LMF1: variants seen among roughly 807,000 people sequenced by gnomAD.
LMF1 encodes the protein lipase maturation factor 1, also known as transmembrane protein 112.
LMF1 carries 68 observed loss-of-function variants against 60.6 expected under a neutral mutation model. The ratio of observed to expected loss-of-function variants is 1.12; its 90% CI spans 0.92 to 1.37. LMF1 has a LOEUF of 1.37. Ranked by LOEUF, LMF1 falls within the 40% of genes most tolerant of loss-of-function variation. The pLI is 0.00. For missense variants in LMF1, 948 were observed against 767.2 expected (o/e 1.24, Z -2.78); for synonymous variants, 418 against 324.7 (o/e 1.29, Z -3.09).
chr16:858,146 AGTGGTGTCTCGGGATGGGTGTGC>A (rs2069268188), intron 10 of LMF1, among the ~76,000 whole-genome samples: 2 of 22,790 alleles, frequency 8.8e-5, no homozygotes, highest in Non-Finnish European at 1.5e-4. Flanking sequence ...GATGGGTGTG[AGTGGTGTCTCGGGATGGGTGTGC>A]GTGGTGTCAC....
chr16:975,949 T>C (rs2073129436), upstream of LMF1: 1 of 357,536 alleles, frequency 2.8e-6, no homozygotes, highest in African/African-American at 5.7e-5. Flanking sequence ...GGCTCGGTGT[T>C]GGGAGGTTTC....
intron 4 of LMF1, among the ~76,000 whole-genome samples, chr16:895,182 G>C (rs1324043014): frequency 6.6e-6 from 1 of 152,116 alleles, no homozygotes; most frequent in Non-Finnish European, 1.5e-5. Flanking sequence ...GGGCCATCAG[G>C]ACCTCCAGAG....
intron 1 of LMF1, chr16:979,795 G>A: frequency 2.2e-6 from 1 of 453,848 alleles, no homozygotes; most frequent in Non-Finnish European, 4.4e-6. Context: ...AGGTGGCACA[G>A]TTTGGACCGG....
chr16:976,474 C>G (rs1286605744), intron 1 of LMF1: 1 of 454,126 alleles, frequency 2.2e-6, no homozygotes, highest in South Asian at 1.6e-5. Context: ...CGCCCCCAGG[C>G]TGGGCCTCCC....
chr16:864,258 AAT>A (rs1160730603), intron 10 of LMF1, among the ~76,000 whole-genome samples: 3 of 152,326 alleles, frequency 2.0e-5, no homozygotes, highest in South Asian at 2.1e-4. Flanking sequence ...TATTTTCATT[AAT>A]AGTCACATAT....
chr16:971,129 C>A (rs899898947), upstream of LMF1: 11 of 778,854 alleles, frequency 1.4e-5, no homozygotes, highest in Non-Finnish European at 1.9e-5. Flanking sequence ...CCGGAGGCAC[C>A]GCCCCCTCCA....
chr16:952,840 C>A (rs1168464516), intron 2 of LMF1, among the ~76,000 whole-genome samples: 1 of 139,078 alleles, frequency 7.2e-6, no homozygotes, highest in Non-Finnish European at 1.6e-5. Context: ...GCCTCCTACA[C>A]GTCCACACAG....
chr16:881,789 A>C (rs2070169465), intron 5 of LMF1, among the ~76,000 whole-genome samples: 1 of 152,220 alleles, frequency 6.6e-6, no homozygotes, highest in Non-Finnish European at 1.5e-5. Flanking sequence ...GGGAACAAGC[A>C]TCTCCAGGGC....
upstream of LMF1, among the ~76,000 whole-genome samples, chr16:973,205 T>C (rs7187750): frequency 0.23 from 35,384 of 151,942 alleles, 4,743 homozygotes; most frequent in South Asian, 0.43. Context: ...ATTAGCCAGG[T>C]GTGGTGGCGG....
intron 3 of LMF1, among the ~76,000 whole-genome samples, chr16:924,979 C>A (rs1251110122): frequency 2.0e-5 from 3 of 152,188 alleles, no homozygotes; most frequent in African/African-American, 7.2e-5. Context: ...ACTGTGCCCT[C>A]CAGCCGGCAG....
chr16:917,343 G>A (rs1488726152), intron 3 of LMF1, among the ~76,000 whole-genome samples: 2 of 95,366 alleles, frequency 2.1e-5, no homozygotes, highest in African/African-American at 6.1e-5. Flanking sequence ...TGTGCACTGC[G>A]GGTGGGCGCA....
rs1362566238 is a variant in LMF1, at chr16:962,641, C to T, written c.194-7975G>A. 6.6e-6 allele frequency among the ~76,000 whole-genome samples: 1 copy of T among 152,188 alleles called. No individual in the cohort carries two copies. The highest frequency in any genetic ancestry group is 2.1e-4 in the South Asian group (1 of 4,826). ...CGGACCCAACGTGAGGGACGCTCTA[C>T]AGACGCCATGACAGGCCTGCTTGAC... is the stretch of plus-strand genomic sequence containing the variant. On this transcript the variant is annotated intron_variant, in intron 1 of 10. Transcript: ENST00000262301. This position sits in a 1 kb window ranked among gnomAD's most constrained non-coding sequence, Gnocchi z 4.5.
At chr16:917,121 C>G (rs570592760) in intron 3 of LMF1, among the ~76,000 whole-genome samples, 2 of 152,356 alleles carry the variant, frequency 1.3e-5, no homozygotes, top group Admixed American at 1.3e-4. Context: ...GCCCAGCACA[C>G]AGAAGCAATC....
At chr16:971,135 C>A (rs2073044707), upstream of LMF1, 6 of 728,708 alleles carry the variant, frequency 8.2e-6, no homozygotes, top group Non-Finnish European at 1.2e-5. Context: ...GCACCGCCCC[C>A]TCCAGCCGGC....
chr16:890,472 G>C (rs1215109763), intron 5 of LMF1, among the ~76,000 whole-genome samples: 3 of 152,032 alleles, frequency 2.0e-5, no homozygotes, highest in African/African-American at 7.2e-5. Context: ...GCCTGGCTTG[G>C]CCCTGGACCC....
intron 4 of LMF1, among the ~76,000 whole-genome samples, chr16:906,871 G>A (rs572083436): frequency 1.3e-5 from 2 of 152,226 alleles, no homozygotes; most frequent in Admixed American, 1.3e-4. Context: ...GGGATGTCAT[G>A]GAATCTATAG....
chr16:980,784 AC>A (rs1489344841), intron 1 of LMF1: 1 of 151,886 alleles, frequency 6.6e-6, no homozygotes, highest in Admixed American at 6.5e-5. Flanking sequence ...CGCGGTCCCC[AC>A]CAGGGCGGCA....
chr16:859,145 C>G (rs1432279623), intron 10 of LMF1, among the ~76,000 whole-genome samples: 4 of 112,688 alleles, frequency 3.5e-5, no homozygotes, highest in African/African-American at 1.2e-4. Flanking sequence ...TGTCACGGGA[C>G]GGGTGTGCAG....
intron 1 of LMF1, among the ~76,000 whole-genome samples, chr16:970,285 C>G (rs896196760): frequency 6.6e-6 from 1 of 152,228 alleles, no homozygotes; most frequent in African/African-American, 2.4e-5. Flanking sequence ...AGGGATGTGG[C>G]GTGCGGGCGT....
Sources: gnomAD v4.1 joint callset for allele counts (sites outside exome capture counted in the v4.1 genomes callset) on GRCh38, gnomAD v4.1.1 for gene constraint, Gnocchi (gnomAD v3.1) non-coding constraint, MANE v1.5 for transcripts, NCBI Gene and HGNC (gene_info 2026-07-23, HGNC 2026-07-21) for gene names.